The following GRAMD1C variants were observed in gnomAD, a reference collection of about 807,000 sequenced individuals.
GRAMD1C encodes the protein GRAM domain containing 1C, also known as protein Aster-C.
GRAMD1C carries 89 observed loss-of-function variants against 97.8 expected under a neutral mutation model. That is an observed-to-expected ratio of 0.91 (90% CI 0.77 to 1.09). The LOEUF is 1.09. Among genes scored for constraint, GRAMD1C ranks in the 50% least tolerant of loss-of-function variants. The pLI is 0.00. For missense variants in GRAMD1C, 740 were observed against 766.4 expected (o/e 0.97, Z 0.41); for synonymous variants, 256 against 267.0 (o/e 0.96, Z 0.40).
chr3:113,854,034 A>G (rs1382415305), intron 2 of GRAMD1C, among the ~76,000 whole-genome samples: 1 of 152,116 alleles, frequency 6.6e-6, no homozygotes, highest in East Asian at 1.9e-4. Context: ...AAGATCAGGG[A>G]TAATTATTCC....
chr3:113,848,327 C>A (rs1933705649), intron 2 of GRAMD1C, among the ~76,000 whole-genome samples: 1 of 152,094 alleles, frequency 6.6e-6, no homozygotes, highest in South Asian at 2.1e-4. Flanking sequence ...TCAGTAGTAA[C>A]CTCATGCTGT....
At position 113,838,795 on chromosome 3, in the gene GRAMD1C, G is replaced by C. The variant is rs1272283818; in HGVS notation, c.-115G>C. 1 of 678,432 alleles carries C rather than the reference G, an allele frequency of 1.5e-6. No individual in the cohort carries two copies. The highest frequency in any genetic ancestry group is 1.9e-5 in the African/African-American group (1 of 53,406). 42.0% of individuals were successfully genotyped at this position (678,432 alleles called of 1,614,324 possible). A position where few individuals can be genotyped will look rare whatever the true frequency, so the allele number is the denominator to read the frequency against. ...GGAGCTGCGGCTGGAAGTACTCGGA[G>C]GGCCGGCGGAGGAGGCGCGCGGAGC... On this transcript the variant is annotated 5_prime_UTR_variant, in exon 1 of 18. Transcript: ENST00000358160.
At chr3:113,832,132 G>T (rs1709567249) in intron 1 of GRAMD1C, among the ~76,000 whole-genome samples, 1 of 152,028 alleles carries the variant, frequency 6.6e-6, no homozygotes, top group South Asian at 2.1e-4. Flanking sequence ...CATTTCCCCA[G>T]TTCAAGAGAG....
At chr3:113,869,134 T>G (rs1277288220) in intron 2 of GRAMD1C, among the ~76,000 whole-genome samples, 1 of 152,094 alleles carries the variant, frequency 6.6e-6, no homozygotes. Context: ...AGAAGGGTAA[T>G]GGGAACAGGC....
At chr3:113,892,372 T>C (rs2107427717) in intron 6 of GRAMD1C, among the ~76,000 whole-genome samples, 1 of 152,216 alleles carries the variant, frequency 6.6e-6, no homozygotes, top group South Asian at 2.1e-4. Flanking sequence ...CTCGGGAGGC[T>C]GAGGCAGGAG....
chr3:113,941,847 G>A (rs554414298), intron 17 of GRAMD1C, among the ~76,000 whole-genome samples: 3 of 151,886 alleles, frequency 2.0e-5, no homozygotes, highest in African/African-American at 4.8e-5. Flanking sequence ...TTGAGCTCTC[G>A]ACCTCAGGTG....
At chr3:113,851,394 C>T (rs765007199) in intron 2 of GRAMD1C, among the ~76,000 whole-genome samples, 1 of 151,756 alleles carries the variant, frequency 6.6e-6, no homozygotes, top group African/African-American at 2.4e-5. Flanking sequence ...TGTTTTAAAA[C>T]GTTTTAAGAA....
intron 2 of GRAMD1C, chr3:113,850,560 A>G (rs1474676697): frequency 1.2e-6 from 2 of 1,602,678 alleles, no homozygotes; most frequent in African/African-American, 2.7e-5. Context: ...CTGTTCCTTC[A>G]CGTAGCCTCA....
At position 113,850,425 on chromosome 3, in the gene GRAMD1C, GC is replaced by G. The variant is rs140296921; in HGVS notation, c.174+5778del. The G allele has an allele frequency of 2.1e-3, 2,425 of 1,147,358 alleles. 23 individuals carry two copies. The African/African-American group carries it at 0.033, about 16-fold the overall frequency. 71.1% of individuals were successfully genotyped at this position (1,147,358 alleles called of 1,614,324 possible). On this transcript the variant is annotated intron_variant, in intron 2 of 17. Coordinates refer to ENST00000358160, the MANE Select transcript of GRAMD1C (RefSeq NM_017577.5). ...TCACCCTCCAGACCTTTAGGCCAAG[GC>G]CTGCCAGTCTCTGGATGGCTGCAGC...
chr3:113,930,860 G>C, intron 11 of GRAMD1C, 28 bp downstream of exon 11: 1 of 1,173,808 alleles, frequency 8.5e-7, no homozygotes, highest in Non-Finnish European at 1.3e-6. Context: ...GTGTCCAGAA[G>C]AGTCATGTGT....
intron 8 of GRAMD1C, among the ~76,000 whole-genome samples, chr3:113,908,373 T>C (rs1936443511): frequency 6.6e-6 from 1 of 152,224 alleles, no homozygotes; most frequent in African/African-American, 2.4e-5. Context: ...GCATCATATA[T>C]TAAATACATT....
At chr3:113,902,741 G>T (rs1470980800) in intron 7 of GRAMD1C, among the ~76,000 whole-genome samples, 1 of 152,016 alleles carries the variant, frequency 6.6e-6, no homozygotes, top group East Asian at 1.9e-4. Context: ...CCGCCTCCTG[G>T]GTTCAAGCGA....
chr3:113,869,598 T>A lies in GRAMD1C; in HGVS notation c.259+7T>A, dbSNP rs1469559. 7.4e-7 allele frequency: 1 copy of A among 1,359,566 alleles called. No individual in the cohort carries two copies. The highest frequency in any genetic ancestry group is 1.0e-6 in the Non-Finnish European group (1 of 976,068). 84.2% of individuals were successfully genotyped at this position (1,359,566 alleles called of 1,614,324 possible). ...ACAGAGAGGCTGATAGCAGGTAAAA[T>A]AGAAATTTTCAAAAAAAAGTTTTAT... On this transcript the variant is annotated splice_region_variant and intron_variant, in intron 3 of 17. Transcript: ENST00000358160.
intron 5 of GRAMD1C, among the ~76,000 whole-genome samples, chr3:113,880,675 A>G (rs560840178): frequency 6.6e-6 from 1 of 152,342 alleles, no homozygotes; most frequent in African/African-American, 2.4e-5. Flanking sequence ...AAATTTTAAT[A>G]ATGACAGTAA....
At chr3:113,876,754 A>G (rs1478895232) in intron 5 of GRAMD1C, among the ~76,000 whole-genome samples, 5 of 152,046 alleles carry the variant, frequency 3.3e-5, no homozygotes, top group African/African-American at 1.2e-4. Flanking sequence ...ATATTTCTTA[A>G]CCACCTGGAA....
At chr3:113,886,777 G>GTTTTTTTTTTTTTTTTTTTTTTT (rs34683672) in intron 6 of GRAMD1C, among the ~76,000 whole-genome samples, 1 of 80,042 alleles carries the variant, frequency 1.2e-5, no homozygotes, top group Non-Finnish European at 2.3e-5. Flanking sequence ...TTGTTTGCTT[G>GTTTTTTTTTTTTTTTTTTTTTTT]TTTTTTTTTT....
At chr3:113,846,447 G>A (rs1933617477) in intron 2 of GRAMD1C, among the ~76,000 whole-genome samples, 1 of 152,092 alleles carries the variant, frequency 6.6e-6, no homozygotes, top group Admixed American at 6.6e-5. Flanking sequence ...TTAGATTGGG[G>A]AACCTTCATA....
At chr3:113,882,608 G>T (rs550450752) in intron 5 of GRAMD1C, 144 bp from the exon 6 acceptor site, 17 of 469,932 alleles carry the variant, frequency 3.6e-5, no homozygotes, top group African/African-American at 2.9e-4. Context: ...ATAACAAAAA[G>T]TTAAATAAAA....
intron 1 of GRAMD1C, among the ~76,000 whole-genome samples, chr3:113,842,735 G>C (rs560026766): frequency 1.3e-5 from 2 of 152,092 alleles, no homozygotes; most frequent in African/African-American, 4.8e-5. Context: ...GGCTTAGGTG[G>C]GCTGATCACG....
Sources: gnomAD v4.1 joint callset for allele counts (sites outside exome capture counted in the v4.1 genomes callset) on GRCh38, gnomAD v4.1.1 for gene constraint, MANE v1.5 for transcripts, NCBI Gene and HGNC (gene_info 2026-07-23, HGNC 2026-07-21) for gene names.